The following SLC35F2 variants were observed in gnomAD, a reference collection of about 807,000 sequenced individuals.
The protein encoded by SLC35F2 is solute carrier family 35 member F2.
Under a neutral mutation model 38.1 loss-of-function variants are expected in SLC35F2, and 25 were observed. That is an observed-to-expected ratio of 0.66 (90% CI 0.48 to 0.92). SLC35F2 has a LOEUF of 0.92. SLC35F2 is among the 40% of genes least tolerant of loss of function. The pLI is 0.00. For synonymous variants in SLC35F2, 173 were observed against 181.7 expected (o/e 0.95, Z 0.38); for missense variants, 409 against 452.9 (o/e 0.90, Z 0.88).
At chr11:107,821,683 T>C (rs187418953) in intron 1 of SLC35F2, 20 of 913,622 alleles carry the variant, frequency 2.2e-5, no homozygotes, top group Middle Eastern at 5.6e-4. Flanking sequence ...AGAAGAAACA[T>C]GCATCTGACC....
At chr11:107,845,076 G>T (rs1365877628) in intron 1 of SLC35F2, among the ~76,000 whole-genome samples, 1 of 151,798 alleles carries the variant, frequency 6.6e-6, no homozygotes, top group Non-Finnish European at 1.5e-5. Context: ...CTCAACAAAT[G>T]TTATTATTAT....
Position 107,792,640 on chromosome 11 carries a change from T to C in SLC35F2, c.1100A>G (p.Gln367Arg), listed in dbSNP as rs758898290. The C allele has an allele frequency of 3.1e-6, 5 of 1,612,876 alleles. No homozygotes were observed. The African/African-American group carries it at 6.7e-5, about 22-fold the overall frequency. The change falls in exon 8 of 8, where the codon CAG becomes CGG. Residue 367 changes from glutamine (Q) to arginine (R), a missense_variant. Coordinates refer to ENST00000525815, the MANE Select transcript of SLC35F2 (RefSeq NM_017515.5). ...CTACAAGACAGCAGAGTGGGTCTCCTGGAGGTTCTCCTCCAGCTTCAGCCC... is the reference window on the plus strand; with the variant it reads ...CTACAAGACAGCAGAGTGGGTCTCCCGGAGGTTCTCCTCCAGCTTCAGCCC... ...NLGLKLEENL[Q>R]ETHSAVL
chr11:107,824,067 T>C, intron 1 of SLC35F2: 1 of 905,772 alleles, frequency 1.1e-6, no homozygotes, highest in African/African-American at 1.8e-5. Flanking sequence ...CAATGTATCA[T>C]CTAATTCTAG....
chr11:107,834,264 CAG>C (rs1859895847), intron 1 of SLC35F2, among the ~76,000 whole-genome samples: 1 of 152,118 alleles, frequency 6.6e-6, no homozygotes, highest in South Asian at 2.1e-4. Context: ...AAGAGACAAA[CAG>C]GGAAAATTTA....
chr11:107,802,950 T>G, intron 7 of SLC35F2, 51 bp downstream of exon 7: 1 of 1,503,290 alleles, frequency 6.7e-7, no homozygotes, highest in Non-Finnish European at 8.9e-7. Flanking sequence ...ACCTGCTACG[T>G]TTTTTGGATC....
At chr11:107,839,979 C>T (rs752992526) in intron 1 of SLC35F2, among the ~76,000 whole-genome samples, 3 of 152,112 alleles carry the variant, frequency 2.0e-5, no homozygotes, top group African/African-American at 7.2e-5. Context: ...ATCAGCTATT[C>T]TCTTTGGATA....
At chr11:107,802,242 A>AAAAAAAAAAAAAAAAAAT (rs559048077) in intron 7 of SLC35F2, among the ~76,000 whole-genome samples, 6 of 147,890 alleles carry the variant, frequency 4.1e-5, no homozygotes, top group African/African-American at 1.5e-4. Flanking sequence ...CATCTCAAAA[A>AAAAAAAAAAAAAAAAAAT]AAATAAATAA....
intron 4 of SLC35F2, 143 bp from the exon 5 acceptor site, chr11:107,805,658 G>GTGTGTGTGTGTGTA: frequency 7.7e-7 from 1 of 1,299,782 alleles, no homozygotes; most frequent in East Asian, 3.1e-5. Context: ...ATGTGTGAGA[G>GTGTGTGTGTGTGTA]TGTGTGTGTG....
chr11:107,847,436 C>A (rs1565441864), intron 1 of SLC35F2, among the ~76,000 whole-genome samples: 2 of 152,192 alleles, frequency 1.3e-5, no homozygotes, highest in Non-Finnish European at 2.9e-5. Flanking sequence ...ACAAATGTGG[C>A]TACCTTCAGA....
intron 4 of SLC35F2, 48 bp downstream of exon 4, chr11:107,806,669 T>TA (rs754051933): frequency 3.9e-6 from 6 of 1,523,906 alleles, no homozygotes; most frequent in Non-Finnish European, 5.3e-6. Flanking sequence ...AGTGAAAACA[T>TA]AAACAAATTT....
At chr11:107,819,276 A>G (rs554178210) in intron 1 of SLC35F2, among the ~76,000 whole-genome samples, 3 of 152,172 alleles carry the variant, frequency 2.0e-5, no homozygotes, top group African/African-American at 4.8e-5. Context: ...AAAGGGTTAT[A>G]TTACTTCATG....
intron 7 of SLC35F2, among the ~76,000 whole-genome samples, chr11:107,800,050 G>A (rs1182252781): frequency 5.7e-5 from 8 of 141,102 alleles, no homozygotes; most frequent in African/African-American, 1.7e-4. Context: ...CACCATGCCC[G>A]GCTAATTTTT....
chr11:107,823,452 C>T (rs766358382), intron 1 of SLC35F2, among the ~76,000 whole-genome samples: 22 of 152,130 alleles, frequency 1.4e-4, no homozygotes, highest in Non-Finnish European at 2.8e-4. Context: ...AAATCCATTA[C>T]ATCTGCCACC....
At chr11:107,819,280 C>T (rs1477070472) in intron 1 of SLC35F2, among the ~76,000 whole-genome samples, 1 of 152,168 alleles carries the variant, frequency 6.6e-6, no homozygotes, top group Non-Finnish European at 1.5e-5. Context: ...GGTTATATTA[C>T]TTCATGTAGC....
intron 1 of SLC35F2, among the ~76,000 whole-genome samples, chr11:107,855,493 A>C (rs964558475): frequency 6.6e-6 from 1 of 152,052 alleles, no homozygotes; most frequent in Non-Finnish European, 1.5e-5. Flanking sequence ...TCTCTACAAA[A>C]AATACAAAAT....
intron 1 of SLC35F2, among the ~76,000 whole-genome samples, chr11:107,842,882 C>G (rs949612084): frequency 4.6e-5 from 7 of 152,028 alleles, no homozygotes; most frequent in Admixed American, 6.6e-5. Flanking sequence ...AGTCTGTATA[C>G]AATAGCAAAA....
At chr11:107,849,850 C>T (rs1860150475) in intron 1 of SLC35F2, among the ~76,000 whole-genome samples, 1 of 152,134 alleles carries the variant, frequency 6.6e-6, no homozygotes, top group Non-Finnish European at 1.5e-5. Context: ...GAAAGAGGAA[C>T]CAGAGGCCCA....
At chr11:107,823,484 A>G (rs1859706977) in intron 1 of SLC35F2, among the ~76,000 whole-genome samples, 1 of 152,206 alleles carries the variant, frequency 6.6e-6, no homozygotes, top group African/African-American at 2.4e-5. Context: ...GGTAAAGAAT[A>G]ATAACTTCCA....
At chr11:107,815,564 AAAC>A (rs1226725035) in intron 2 of SLC35F2, among the ~76,000 whole-genome samples, 33 of 151,578 alleles carry the variant, frequency 2.2e-4, no homozygotes, top group East Asian at 5.8e-4. Flanking sequence ...TCTCAAAAAC[AAAC>A]AACAACAACA....
Sources: gnomAD v4.1 joint callset for allele counts (sites outside exome capture counted in the v4.1 genomes callset) on GRCh38, gnomAD v4.1.1 for gene constraint, MANE v1.5 for transcripts, NCBI Gene and HGNC (gene_info 2026-07-23, HGNC 2026-07-21) for gene names.